The following OGT variants were observed in gnomAD, a reference collection of about 807,000 sequenced individuals.
OGT encodes UDP-N-acetylglucosamine--peptide N-acetylglucosaminyltransferase 110 kDa subunit.
Under a neutral mutation model 75.8 loss-of-function variants are expected in OGT, and 3 were observed. The ratio of observed to expected loss-of-function variants is 0.04; its 90% confidence interval spans 0.02 to 0.10. The LOEUF is 0.10. OGT is among the 10% of genes least tolerant of loss of function. The pLI, the probability that OGT is intolerant of heterozygous loss-of-function variation, is 1.00. For synonymous variants in OGT, 257 were observed against 289.7 expected, an observed-to-expected ratio of 0.89 and a Z score of 1.15; for missense variants, 260 against 824.4, an observed-to-expected ratio of 0.32 and a Z score of 8.38.
At chrX:71,543,493 A>C (rs1392767614) in intron 3 of OGT, among the ~76,000 whole-genome samples, 1 of 110,733 alleles carries the variant, frequency 9.0e-6, no homozygotes, top group African/African-American at 3.3e-5. Context: ...CTCTAATGGC[A>C]CTTAATACTA....
At chrX:71,544,744 C>G (rs2040247578) in intron 4 of OGT, 109 bp downstream of exon 4, 1 of 613,593 alleles carries the variant, frequency 1.6e-6, no homozygotes, top group African/African-American at 2.2e-5. Context: ...TCCTTTGAAA[C>G]TGAGGAAAAC....
At chrX:71,544,021 G>A (rs1602140727) in intron 3 of OGT, among the ~76,000 whole-genome samples, 1 of 109,568 alleles carries the variant, frequency 9.1e-6, no homozygotes, top group East Asian at 2.9e-4. Flanking sequence ...CCTGACCTCA[G>A]GTGATCCTCC....
At chrX:71,541,471 C>T (rs1314692984) in intron 3 of OGT, among the ~76,000 whole-genome samples, 1 of 111,253 alleles carries the variant, frequency 9.0e-6, no homozygotes, top group African/African-American at 3.3e-5. Flanking sequence ...GGGGAAGTTG[C>T]GGGTTATAAT....
intron 21 of OGT, among the ~76,000 whole-genome samples, chrX:71,569,911 T>G (rs911675613): frequency 1.0e-4 from 11 of 107,866 alleles, no homozygotes; most frequent in Non-Finnish European, 1.9e-5. Flanking sequence ...AATTTTTGTA[T>G]TTTTAGTAGA....
chrX:71,563,538 G>C, intron 18 of OGT, 39 bp downstream of exon 18: 1 of 1,054,676 alleles, frequency 9.5e-7, no homozygotes, highest in Non-Finnish European at 1.3e-6. Context: ...GTCCCGCCAA[G>C]TATGCATTTA....
chrX:71,536,050 T>C (rs2040173455), intron 1 of OGT, 128 bp from the exon 2 acceptor site: 2 of 519,290 alleles, frequency 3.9e-6, no homozygotes, highest in South Asian at 7.9e-5. Flanking sequence ...AACACTCTAG[T>C]GCTTTACATA....
chrX:71,541,238 TC>T (rs1442144571), intron 3 of OGT, among the ~76,000 whole-genome samples: 10 of 112,035 alleles, frequency 8.9e-5, no homozygotes, highest in Non-Finnish European at 1.9e-4. Flanking sequence ...TCATGTGTGT[TC>T]CTGTCATGTT....
intron 18 of OGT, among the ~76,000 whole-genome samples, chrX:71,563,890 C>T (rs1375449558): frequency 8.9e-6 from 1 of 112,064 alleles, no homozygotes; most frequent in Non-Finnish European, 1.9e-5. Flanking sequence ...GCTAACGTCT[C>T]CATCCCTACT....
chrX:71,541,969 A>G (rs2040222490), intron 3 of OGT, among the ~76,000 whole-genome samples: 1 of 111,148 alleles, frequency 9.0e-6, no homozygotes, highest in South Asian at 3.8e-4. Flanking sequence ...TTAAAACCCT[A>G]CTCATCCTTC....
intron 8 of OGT, chrX:71,556,384 A>T (rs1602148075): frequency 2.7e-6 from 1 of 368,773 alleles, no homozygotes; most frequent in East Asian, 4.3e-5. Context: ...TTAGTGCCTG[A>T]TGGCTGTATG....
At chrX:71,566,084 C>A (rs757581970) in intron 19 of OGT, among the ~76,000 whole-genome samples, 1 of 112,120 alleles carries the variant, frequency 8.9e-6, no homozygotes, top group African/African-American at 3.2e-5. Flanking sequence ...TTTAGGTAAT[C>A]TGGAGATAAT....
At position 71,544,126 on chromosome X, in the gene OGT, G is replaced by C. The variant is rs189119237; in HGVS notation, c.463-441G>C. Among the ~76,000 whole-genome samples the C allele has an allele frequency of 2.4e-3, 263 of 110,875 alleles. 1 individual carries two copies. The highest frequency in any genetic ancestry group is 0.014 in the Middle Eastern group (3 of 218). The stretch of plus-strand genomic sequence containing the variant: ...TAATGTGACTGACATTTGGGGAGGA[G>C]AGAAAGAAGCTCTAGTAAGGTCCCA... On this transcript the variant is annotated intron_variant, in intron 3 of 21. Transcript: ENST00000373719.
chrX:71,575,453 C>T lies in OGT; in HGVS notation c.*1659C>T, dbSNP rs1430116787. 2 of 112,613 alleles carry T rather than the reference C, an allele frequency of 1.8e-5. No individual in the cohort carries two copies. The highest frequency in any genetic ancestry group is 3.8e-5 in the Non-Finnish European group (2 of 53,280). 9.3% of individuals were successfully genotyped at this position (112,613 alleles called of 1,213,427 possible). A position where few individuals can be genotyped will look rare whatever the true frequency, so the allele number is the denominator to read the frequency against. ...TTAACAGTGTAAATCACGGAATATC[C>T]GTGAAGGGATTTCTTAATTTATTTT... On this transcript the variant is annotated 3_prime_UTR_variant, in exon 22 of 22. Coordinates refer to ENST00000373719, the MANE Select transcript of OGT (RefSeq NM_181672.3).
At chrX:71,563,690 A>C (rs1295317397) in intron 18 of OGT, among the ~76,000 whole-genome samples, 191 bp downstream of exon 18, 1 of 112,155 alleles carries the variant, frequency 8.9e-6, no homozygotes, top group Non-Finnish European at 1.9e-5. Context: ...CCAGCAGATT[A>C]TTACTTACTG....
In OGT at chrX:71,556,933, C is replaced by A; in HGVS notation, c.1167-19C>A. On this transcript the variant is annotated intron_variant, in intron 9 of 21. Coordinates refer to ENST00000373719, the MANE Select transcript of OGT (RefSeq NM_181672.3). Reference sequence around the variant, plus strand: ...AGATTTTTGTATTGGAGAAATAAAACCTTTGGCTTCTCTTTTAGAATCAGT... The same window carrying A: ...AGATTTTTGTATTGGAGAAATAAAAACTTTGGCTTCTCTTTTAGAATCAGT... 2 of 1,194,658 alleles carry A rather than the reference C, an allele frequency of 1.7e-6. No individual in the cohort carries two copies. Among genetic ancestry groups the A allele is most frequent in the Non-Finnish European group, 2.3e-6 (2 of 883,388 alleles).
At position 71,533,219 on chromosome X, in the gene OGT, C is replaced by T; in HGVS notation, c.-81C>T. The T allele has an allele frequency of 1.0e-6, 1 of 994,245 alleles. No individual in the cohort carries two copies. The highest frequency in any genetic ancestry group is 1.4e-6 in the Non-Finnish European group (1 of 714,649). 81.9% of individuals were successfully genotyped at this position (994,245 alleles called of 1,213,427 possible). The stretch of plus-strand genomic sequence containing the variant: ...TGCTACGGCTGCTGCCCTTGTACTA[C>T]TACCTCCAAATACGTTCTTGCTGGT... On this transcript the variant is annotated 5_prime_UTR_variant, in exon 1 of 22. Transcript: ENST00000373719.
intron 21 of OGT, among the ~76,000 whole-genome samples, chrX:71,568,718 C>T (rs1346922513): frequency 9.0e-6 from 1 of 110,871 alleles, no homozygotes; most frequent in African/African-American, 3.3e-5. Flanking sequence ...GTCCCAGCTA[C>T]TCAGGAGGCT....
chrX:71,543,890 G>A lies in OGT; in HGVS notation c.463-677G>A, dbSNP rs184651181. Among the ~76,000 whole-genome samples, 16 of 107,580 alleles carry A rather than the reference G, an allele frequency of 1.5e-4. No homozygotes were observed. The East Asian group carries it at 3.2e-3, about 21-fold the overall frequency. The allele number at this position is 107,580 out of a possible 115,157, so 93.4% of individuals were successfully genotyped here. A position where few individuals can be genotyped will look rare whatever the true frequency, so the allele number is the denominator to read the frequency against. On this transcript the variant is annotated intron_variant, in intron 3 of 21. Transcript: ENST00000373719. Reference sequence around the variant, plus strand: ...CAGTCACTGCCTCCTGGGTTCAACCGATTCTCCTGCTTAAGCCTCCCAAAT... The same window carrying A: ...CAGTCACTGCCTCCTGGGTTCAACCAATTCTCCTGCTTAAGCCTCCCAAAT...
Position 71,555,137 on chromosome X carries a change from TG to T in OGT, c.729-52del, listed in dbSNP as rs1569427701. On this transcript the variant is annotated intron_variant, in intron 6 of 21. Transcript: ENST00000373719. ...TCCATTAAGCATGAGTTACATTTTGTGTGTGTGTGTGTGTGTGTGTGTGTGT... is the reference window on the plus strand; with the variant it reads ...TCCATTAAGCATGAGTTACATTTTGTTGTGTGTGTGTGTGTGTGTGTGTGT... 2.0e-5 allele frequency: 8 copies of T among 400,829 alleles called. No homozygotes were observed. In the African/African-American group the frequency reaches 2.9e-4, roughly 15 times the overall value. 33.0% of individuals were successfully genotyped at this position (400,829 alleles called of 1,213,427 possible).
Sources: allele counts gnomAD v4.1 joint callset (sites outside exome capture counted in the v4.1 genomes callset), GRCh38; gene constraint gnomAD v4.1.1; transcripts MANE v1.5; gene names NCBI Gene and HGNC (gene_info 2026-07-23, HGNC 2026-07-21).